The following FLT4 variants were observed in gnomAD, a reference collection of about 807,000 sequenced individuals.
The protein encoded by FLT4 is fms related receptor tyrosine kinase 4, also known as vascular endothelial growth factor receptor 3.
FLT4 carries 30 observed loss-of-function variants against 163.2 expected under a neutral mutation model. That is an observed-to-expected ratio of 0.18 (90% CI 0.14 to 0.25). The LOEUF (loss-of-function observed/expected upper bound fraction) is 0.25, where lower values mean the gene tolerates loss of function less well. Ranked by LOEUF, FLT4 falls within the 10% of genes least tolerant of loss-of-function variation. FLT4 has a pLI of 1.00. For missense variants in FLT4, 1,510 were observed against 1,863.8 expected (o/e 0.81, Z 3.50); for synonymous variants, 884 against 789.5 (o/e 1.12, Z -2.01).
chr5:180,608,888 C>A (rs1761959085), intron 29 of FLT4, 80 bp downstream of exon 29: 1 of 1,219,792 alleles, frequency 8.2e-7, no homozygotes, highest in Non-Finnish European at 1.2e-6. Context: ...GAGGGCTGGG[C>A]ACACCCAGAC....
At chr5:180,629,039 C>G in intron 7 of FLT4, 40 bp from the exon 8 acceptor site, 2 of 1,555,664 alleles carry the variant, frequency 1.3e-6, no homozygotes, top group East Asian at 4.5e-5. Context: ...CAGGACTGAC[C>G]CGTCGTGGAC....
intron 1 of FLT4, among the ~76,000 whole-genome samples, chr5:180,634,820 G>C (rs12657377): frequency 2.3e-5 from 2 of 86,372 alleles, no homozygotes; most frequent in East Asian, 5.5e-4. Context: ...ATGGGTGGGT[G>C]GGTGGGTGGG....
At chr5:180,638,320 C>A (rs1764841948) in intron 1 of FLT4, among the ~76,000 whole-genome samples, 1 of 152,194 alleles carries the variant, frequency 6.6e-6, no homozygotes, top group African/African-American at 2.4e-5. Flanking sequence ...AAAGGCTCCT[C>A]CCTCGATAGC....
chr5:180,610,989 G>A (rs1194236281), intron 27 of FLT4, among the ~76,000 whole-genome samples: 4 of 152,132 alleles, frequency 2.6e-5, no homozygotes, highest in African/African-American at 4.8e-5. Context: ...CCTGGGAGGC[G>A]GAGCTTGCGG....
At position 180,619,054 on chromosome 5, in the gene FLT4, C is replaced by T; in HGVS notation, c.2817G>A (p.Leu939=). ...FCKYGNLSNF[L]RAKRDAFSPC... is the part of the protein sequence containing the mutation. ...GGCTGAAGGCGTCCCGCTTGGCGCG[C>T]AGGAAGTTGGAGAGGTTGCCGTACT... Residue 939 remains leucine, a synonymous_variant, in exon 20 of 30, where the codon CTG becomes CTA. Coordinates refer to ENST00000261937, the MANE Select transcript of FLT4 (RefSeq NM_182925.5). 2 of 1,559,460 alleles carry T rather than the reference C, an allele frequency of 1.3e-6. No homozygotes were observed. Among genetic ancestry groups the T allele is most frequent in the Non-Finnish European group, 1.7e-6 (2 of 1,153,382 alleles).
rs1480068611 is a variant in FLT4, at chr5:180,619,075, G to A, written c.2796C>T (p.Tyr932=). 2 of 1,560,776 alleles carry A rather than the reference G, an allele frequency of 1.3e-6. No homozygotes were observed. Among genetic ancestry groups the A allele is most frequent in the Non-Finnish European group, 1.7e-6 (2 of 1,154,432 alleles). ...CGCGCAGGAAGTTGGAGAGGTTGCC[G>A]TACTTGCAGAACTCCACGATCACCA... ...PLMVIVEFCK[Y]GNLSNFLRAK... is the part of the protein sequence containing the mutation. Residue 932 remains tyrosine, a synonymous_variant, in exon 20 of 30, where the codon TAC becomes TAT. Transcript: ENST00000261937.
At chr5:180,613,444 A>G (rs2127796323) in intron 24 of FLT4, 1 of 320,616 alleles carries the variant, frequency 3.1e-6, no homozygotes, top group South Asian at 6.1e-5. Flanking sequence ...AGTTTCAACA[A>G]AGCCTCTCTT....
chr5:180,632,933 C>T (rs891361852), intron 1 of FLT4, among the ~76,000 whole-genome samples: 8 of 152,028 alleles, frequency 5.3e-5, no homozygotes, highest in Non-Finnish European at 8.8e-5. Flanking sequence ...CCCAGGGCTG[C>T]GTCCTGTCCC....
At chr5:180,606,839 T>C (rs1378737052) in intron 29 of FLT4, among the ~76,000 whole-genome samples, 1 of 149,386 alleles carries the variant, frequency 6.7e-6, no homozygotes, top group East Asian at 2.0e-4. Flanking sequence ...GCAGATCACT[T>C]GAGGCCAGGA....
chr5:180,637,639 T>A (rs1179171863), intron 1 of FLT4, among the ~76,000 whole-genome samples: 2 of 152,146 alleles, frequency 1.3e-5, no homozygotes, highest in Non-Finnish European at 2.9e-5. Flanking sequence ...TTCAAGTGAT[T>A]CTCCTGCCTC....
intron 8 of FLT4, among the ~76,000 whole-genome samples, chr5:180,628,454 C>CAA (rs1175925395): frequency 1.3e-5 from 2 of 152,250 alleles, no homozygotes; most frequent in Admixed American, 6.5e-5. Context: ...GGCAATCTGT[C>CAA]AATTCCCTGT....
In FLT4 at chr5:180,618,828, G is replaced by A. The variant is rs1478324518; in HGVS notation, c.2943C>T (p.Leu981=). The A allele has an allele frequency of 6.3e-7, 1 of 1,585,730 alleles. No homozygotes were observed. The highest frequency in any genetic ancestry group is 1.1e-5 in the South Asian group (1 of 87,006). Residue 981 remains leucine, a synonymous_variant, in exon 21 of 30, where the codon CTC becomes CTT. Transcript: ENST00000261937. Reference sequence around the variant, plus strand: ...CCTCGGTCTTCGAGAACCGCGCGAAGAGGACCCTGTCGCTGCTCCCCGGCC... The same window carrying A: ...CCTCGGTCTTCGAGAACCGCGCGAAAAGGACCCTGTCGCTGCTCCCCGGCC... ...RRRPGSSDRV[L]FARFSKTEGG...
intron 10 of FLT4, 146 bp downstream of exon 10, chr5:180,625,723 G>C: frequency 1.3e-6 from 1 of 760,898 alleles, no homozygotes; most frequent in Non-Finnish European, 2.2e-6. Flanking sequence ...GGCTATAGCT[G>C]AAGGTAGGGT....
chr5:180,614,073 GAGA>G lies in FLT4; in HGVS notation c.3323_3325del (p.Phe1108del), dbSNP rs587776833. The G allele has an allele frequency of 6.2e-7, 1 of 1,609,774 alleles. No individual in the cohort carries two copies. The highest frequency in any genetic ancestry group is 8.5e-7 in the Non-Finnish European group (1 of 1,176,028). ...GCACCCCATCCTGCACTCACCCAGA[GAGA>G]AGATCTCCCAGAGAAGCACCCCAAA... is the stretch of plus-strand genomic sequence containing the variant. On this transcript the variant is annotated inframe_deletion, in exon 24 of 30. Coordinates refer to ENST00000261937, the MANE Select transcript of FLT4 (RefSeq NM_182925.5).
At chr5:180,625,135 G>A (rs1007044953) in intron 10 of FLT4, among the ~76,000 whole-genome samples, 1 of 152,130 alleles carries the variant, frequency 6.6e-6, no homozygotes, top group Non-Finnish European at 1.5e-5. Context: ...CTCCCATCCC[G>A]CCCCAGTTTG....
At chr5:180,625,502 G>A (rs1763533617) in intron 10 of FLT4, among the ~76,000 whole-genome samples, 1 of 152,182 alleles carries the variant, frequency 6.6e-6, no homozygotes, top group Non-Finnish European at 1.5e-5. Context: ...CACCCCCCCA[G>A]GTCCCCACCC....
intron 1 of FLT4, 126 bp from the exon 2 acceptor site, chr5:180,631,904 G>A: frequency 3.2e-6 from 2 of 625,284 alleles, no homozygotes; most frequent in Non-Finnish European, 5.7e-6. Context: ...CAGGTTCTCA[G>A]CCAGCACCGC....
At chr5:180,631,282 C>G (rs528423320) in intron 2 of FLT4, among the ~76,000 whole-genome samples, 3,756 of 150,726 alleles carry the variant, frequency 0.025, 108 homozygotes, top group Admixed American at 0.08. Flanking sequence ...GACCATCCTG[C>G]TTAACACGGT....
chr5:180,611,439 C>T lies in FLT4; in HGVS notation c.3578G>A (p.Ser1193Asn), dbSNP rs768688678. The part of the protein sequence containing the change: ...EVCMAPRSSQ[S>N]SEEGSFSQVS... ...CTGCGAGAAGCTGCCCTCTTCTGAG[C>T]TCTGAGAGCTGCGCGGGGCCATGCA... The change falls in exon 27 of 30, where the codon AGC (serine) becomes AAC (asparagine). Residue 1193 changes from serine to asparagine, a missense_variant. Physicochemically the swap from Ser to Asn is conservative, Grantham distance 46 (BLOSUM62 1). Around this residue, in one of 5 missense-constraint regions of FLT4, gnomAD observed 295 missense variants for 311.0 expected, o/e 0.95. Coordinates refer to ENST00000261937, the MANE Select transcript of FLT4 (RefSeq NM_182925.5). The T allele has an allele frequency of 4.3e-6, 7 of 1,613,870 alleles. No individual in the cohort carries two copies. Among genetic ancestry groups the T allele is most frequent in the African/African-American group, 2.7e-5 (2 of 74,892 alleles).
Sources: gnomAD v4.1 joint callset for allele counts (sites outside exome capture counted in the v4.1 genomes callset) on GRCh38, gnomAD v4.1.1 for gene constraint, gnomAD v4.1.1 regional missense constraint, MANE v1.5 for transcripts, NCBI Gene and HGNC (gene_info 2026-07-23, HGNC 2026-07-21) for gene names.